The following PLA2G4A variants were observed in gnomAD, a reference collection of about 807,000 sequenced individuals.
The protein encoded by PLA2G4A is cytosolic phospholipase A2.
Under a neutral mutation model 81.9 loss-of-function variants are expected in PLA2G4A, and 40 were observed. That is an observed-to-expected ratio of 0.49 (90% CI 0.38 to 0.64). The LOEUF (loss-of-function observed/expected upper bound fraction) is 0.64. PLA2G4A is among the 30% of genes least tolerant of loss of function. The pLI is 0.00. For synonymous variants in PLA2G4A, 302 were observed against 296.9 expected (o/e 1.02, Z -0.18); for missense variants, 715 against 905.1 (o/e 0.79, Z 2.69).
At chr1:186,870,056 A>G (rs1013013638) in intron 2 of PLA2G4A, among the ~76,000 whole-genome samples, 3 of 152,214 alleles carry the variant, frequency 2.0e-5, no homozygotes, top group African/African-American at 4.8e-5. Flanking sequence ...GTGAACAGCA[A>G]CAACAACAAA....
In PLA2G4A at chr1:186,979,443, A is replaced by G. The variant is rs1192745492; in HGVS notation, c.2089A>G (p.Met697Val). The change falls in exon 17 of 18, where the codon ATG becomes GTG. Residue 697 changes from methionine to valine, a missense_variant. By Grantham distance (21) the Met-to-Val change is conservative. Coordinates refer to ENST00000367466, the MANE Select transcript of PLA2G4A (RefSeq NM_024420.3). ...NQAFKRLHDL[M>V]HFNTLNNIDV... ...AGCATTCAAAAGACTACATGATCTT[A>G]TGCACTTCAATACTCTGAACAACAT... 1 of 1,601,424 alleles carries G rather than the reference A, an allele frequency of 6.2e-7. No individual in the cohort carries two copies. The highest frequency in any genetic ancestry group is 8.6e-7 in the Non-Finnish European group (1 of 1,168,522).
chr1:186,981,986 T>G (rs914751364), intron 17 of PLA2G4A, among the ~76,000 whole-genome samples: 2 of 152,178 alleles, frequency 1.3e-5, no homozygotes, highest in South Asian at 2.1e-4. Context: ...ATAAAAAAAG[T>G]GATCAGATGA....
intron 1 of PLA2G4A, among the ~76,000 whole-genome samples, chr1:186,840,542 G>A (rs917039391): frequency 3.9e-5 from 6 of 152,084 alleles, no homozygotes; most frequent in Admixed American, 6.5e-5. Context: ...CTGTGCTTCC[G>A]CAATTCCTGA....
chr1:186,936,206 T>C (rs1418546473), intron 8 of PLA2G4A, among the ~76,000 whole-genome samples: 1 of 151,918 alleles, frequency 6.6e-6, no homozygotes, highest in Non-Finnish European at 1.5e-5. Context: ...TTGAACTAAC[T>C]AAAATAGAAT....
chr1:186,982,486 C>A (rs1169096363), intron 17 of PLA2G4A, among the ~76,000 whole-genome samples: 1 of 152,170 alleles, frequency 6.6e-6, no homozygotes, highest in Non-Finnish European at 1.5e-5. Flanking sequence ...TTATCTTGTA[C>A]CCCTGAAGGT....
At chr1:186,840,036 T>A (rs928181144) in intron 1 of PLA2G4A, among the ~76,000 whole-genome samples, 6 of 132,466 alleles carry the variant, frequency 4.5e-5, no homozygotes, top group Admixed American at 2.7e-4. Flanking sequence ...AGCACAGTGG[T>A]GCAATCTTGG....
chr1:186,928,006 G>A (rs1269318456), intron 7 of PLA2G4A, among the ~76,000 whole-genome samples: 3 of 152,156 alleles, frequency 2.0e-5, no homozygotes, highest in South Asian at 4.1e-4. Context: ...CCCTTTAGTG[G>A]AGTATAGGAA....
intron 2 of PLA2G4A, among the ~76,000 whole-genome samples, chr1:186,866,276 A>G (rs1409176574): frequency 1.3e-5 from 2 of 152,150 alleles, no homozygotes; most frequent in African/African-American, 4.8e-5. Flanking sequence ...TTGAAACTGA[A>G]CATCTTTCTC....
At chr1:186,932,720 G>C in intron 7 of PLA2G4A, 43 bp from the exon 8 acceptor site, 1 of 1,597,146 alleles carries the variant, frequency 6.3e-7, no homozygotes, top group Non-Finnish European at 8.6e-7. Flanking sequence ...TGTATTTTAT[G>C]ATTTTTACTT....
chr1:186,868,449 G>GTTCATGAGAAATA (rs1454452514), intron 2 of PLA2G4A, among the ~76,000 whole-genome samples: 1 of 152,164 alleles, frequency 6.6e-6, no homozygotes, highest in East Asian at 1.9e-4. Context: ...TGGCAAGTAT[G>GTTCATGAGAAATA]TTCATGAGAA....
At chr1:186,849,768 C>T (rs1652309556) in intron 1 of PLA2G4A, among the ~76,000 whole-genome samples, 1 of 151,946 alleles carries the variant, frequency 6.6e-6, no homozygotes, top group African/African-American at 2.4e-5. Context: ...TTTTTGGATT[C>T]CTTGTTTTCT....
intron 7 of PLA2G4A, among the ~76,000 whole-genome samples, chr1:186,919,815 G>A (rs1571401528): frequency 6.6e-6 from 1 of 152,336 alleles, no homozygotes; most frequent in East Asian, 1.9e-4. Context: ...CAAAGTCACT[G>A]TAGCTTGGTT....
chr1:186,885,812 G>C (rs920900972), intron 3 of PLA2G4A, among the ~76,000 whole-genome samples: 2 of 151,964 alleles, frequency 1.3e-5, no homozygotes, highest in African/African-American at 2.4e-5. Flanking sequence ...GTTAAAGAGA[G>C]AATTACTGAA....
At chr1:186,987,381 C>T (rs914847955) in intron 17 of PLA2G4A, among the ~76,000 whole-genome samples, 5 of 152,172 alleles carry the variant, frequency 3.3e-5, no homozygotes, top group East Asian at 3.9e-4. Context: ...CTGAAAAGCC[C>T]GTGGACTGTA....
chr1:186,918,251 G>A (rs1199801135), intron 7 of PLA2G4A, among the ~76,000 whole-genome samples: 1 of 152,156 alleles, frequency 6.6e-6, no homozygotes. Flanking sequence ...GTGGAGGCTC[G>A]CTGGTGTCCC....
intron 2 of PLA2G4A, among the ~76,000 whole-genome samples, chr1:186,866,719 T>C (rs1381382623): frequency 6.6e-6 from 1 of 152,116 alleles, no homozygotes; most frequent in African/African-American, 2.4e-5. Context: ...TGAAAACCCA[T>C]GTAATATTAG....
At chr1:186,907,313 A>G (rs1203650154) in intron 6 of PLA2G4A, among the ~76,000 whole-genome samples, 1 of 152,206 alleles carries the variant, frequency 6.6e-6, no homozygotes, top group Non-Finnish European at 1.5e-5. Flanking sequence ...TCCCATAGAA[A>G]TGAATGCAGT....
At chr1:186,854,461 C>T (rs1652482776) in intron 2 of PLA2G4A, 74 bp downstream of exon 2, 1 of 942,680 alleles carries the variant, frequency 1.1e-6, no homozygotes, top group Admixed American at 1.7e-5. Flanking sequence ...GCGGGTGTTG[C>T]TAGTAAAGTC....
At chr1:186,832,647 T>C (rs533965138) in intron 1 of PLA2G4A, among the ~76,000 whole-genome samples, 2 of 152,318 alleles carry the variant, frequency 1.3e-5, no homozygotes, top group South Asian at 4.1e-4. Flanking sequence ...TTGAACAAAG[T>C]TGAGCAATTT....
Sources: allele counts gnomAD v4.1 joint callset (sites outside exome capture counted in the v4.1 genomes callset), GRCh38; gene constraint gnomAD v4.1.1; transcripts MANE v1.5; gene names NCBI Gene and HGNC (gene_info 2026-07-23, HGNC 2026-07-21).